NEU4: variants seen among roughly 807,000 people sequenced by gnomAD.
NEU4 encodes the protein sialidase-4.
Under a neutral mutation model 9.9 loss-of-function variants are expected in NEU4, and 7 were observed. The observed-to-expected ratio is 0.71, with a 90% CI of 0.40 to 1.33. NEU4 has a LOEUF of 1.33. NEU4 is among the 40% of genes most tolerant of loss of function. The pLI is 0.01. For missense variants in NEU4, 717 were observed against 712.6 expected (o/e 1.01, Z -0.07); for synonymous variants, 348 against 316.9 (o/e 1.10, Z -1.04).
In NEU4 at chr2:241,817,006, C is replaced by T. The variant is rs1282076840; in HGVS notation, c.1413C>T (p.Pro471=). The T allele has an allele frequency of 1.2e-6, 2 of 1,608,078 alleles. No individual in the cohort carries two copies. The highest frequency in any genetic ancestry group is 1.7e-6 in the Non-Finnish European group (2 of 1,177,716). The change falls in exon 4 of 4, where the codon CCC becomes CCT. Residue 471 remains proline, a synonymous_variant. Coordinates refer to ENST00000407683, the MANE Select transcript of NEU4 (RefSeq NM_001167600.3). ...LENVPASPKP[P]NLGDKPRGCC... is the part of the protein sequence containing the mutation. ...ACGTGCCCGCCAGCCCCAAACCGCC[C>T]AACCTTGGGGACAAGCCTCGGGGGT...
rs114477206 is a variant in NEU4 at position 241,815,520 on chromosome 2, C to A, written c.457+373C>A. ...TGACCCGACTCTCTCTCATCCCCCC[C>A]GCTAATCTCTTTATCTGCAGAGGAG... On this transcript the variant is annotated intron_variant, in intron 3 of 3. Transcript: ENST00000407683. 56 of 512,288 alleles carry A rather than the reference C, an allele frequency of 1.1e-4. 2 individuals are homozygous for A. Among genetic ancestry groups the A allele is most frequent in the South Asian group, 5.9e-4 (38 of 64,694 alleles). The allele number at this position is 512,288 out of a possible 1,614,324, so 31.7% of individuals were successfully genotyped here. A position where few individuals can be genotyped will look rare whatever the true frequency, so the allele number is the denominator to read the frequency against.
rs200097795 is a variant in NEU4 at position 241,816,910 on chromosome 2, C to T, written c.1317C>T (p.Tyr439=). 11 of 1,612,904 alleles carry T rather than the reference C, an allele frequency of 6.8e-6. No homozygotes were observed. Among genetic ancestry groups the T allele is most frequent in the East Asian group, 4.5e-5 (2 of 44,868 alleles). Residue 439 remains tyrosine, a synonymous_variant, in exon 4 of 4, where the codon TAC becomes TAT. Transcript: ENST00000407683. ...PEGGLVFACL[Y]ESGARTSYDE... is the part of the protein sequence containing the mutation. ...GGGGCCTGGTTTTTGCCTGCCTGTACGAGAGCGGGGCCAGGACCTCCTATG... is the reference window on the plus strand; with the variant it reads ...GGGGCCTGGTTTTTGCCTGCCTGTATGAGAGCGGGGCCAGGACCTCCTATG...
rs763516518 is a variant in NEU4, at chr2:241,816,486, T to G, written c.893T>G (p.Val298Gly). ...AGGCCACGGGATGACAGTTGGTCAGTGGGCCCCGGGAGTCCCCTCCAGCCT... is the reference window on the plus strand; with the variant it reads ...AGGCCACGGGATGACAGTTGGTCAGGGGGCCCCGGGAGTCCCCTCCAGCCT... ...PNRPRDDSWSVGPGSPLQPPL... is the reference protein window; with the variant it reads ...PNRPRDDSWSGGPGSPLQPPL... The change falls in exon 4 of 4, where the codon GTG becomes GGG. Residue 298 changes from valine to glycine, a missense_variant. Transcript: ENST00000407683. The G allele has an allele frequency of 6.2e-7, 1 of 1,609,736 alleles. No homozygotes were observed. Among genetic ancestry groups the G allele is most frequent in the African/African-American group, 1.3e-5 (1 of 74,880 alleles).
chr2:241,811,198 C>T (rs1700102777), intron 1 of NEU4: 1 of 1,235,478 alleles, frequency 8.1e-7, no homozygotes, highest in Non-Finnish European at 1.0e-6. Context: ...CCTCAGCACC[C>T]CAGTGTTGAG....
rs1400513885 is a variant in NEU4, at chr2:241,815,100, G to A, written c.410G>A (p.Gly137Asp). 5 of 1,578,778 alleles carry A rather than the reference G, an allele frequency of 3.2e-6. No homozygotes were observed. Among genetic ancestry groups the A allele is most frequent in the African/African-American group, 2.7e-5 (2 of 74,442 alleles). Residue 137 changes from glycine (G) to aspartate (D), a missense_variant, in exon 3 of 4, where the codon GGC (glycine) becomes GAC (aspartate). Gly to Asp is a moderately conservative substitution (Grantham distance 94). Coordinates refer to ENST00000407683, the MANE Select transcript of NEU4 (RefSeq NM_001167600.3). ...AGCCGTGACGCCGGCCTCTCGTGGG[G>A]CAGCGCCCGGGACCTCACCGAGGAG... Reference protein sequence around the residue: ...VASRDAGLSWGSARDLTEEAI... With the variant: ...VASRDAGLSWDSARDLTEEAI...
Position 241,817,092 on chromosome 2 carries a change from G to C in NEU4, c.*44G>C. ...CCATGCCCCTTGGGTGCCTGGGGCA[G>C]AGGGGTGGAATACGTTGGGGTGCCC... On this transcript the variant is annotated 3_prime_UTR_variant, in exon 4 of 4. Transcript: ENST00000407683. 6.7e-7 allele frequency: 1 copy of C among 1,497,450 alleles called. No homozygotes were observed. The allele number at this position is 1,497,450 out of a possible 1,614,324, so 92.8% of individuals were successfully genotyped here. A position where few individuals can be genotyped will look rare whatever the true frequency, so the allele number is the denominator to read the frequency against.
At chr2:241,815,819 C>G in intron 3 of NEU4, 1 of 598,794 alleles carries the variant, frequency 1.7e-6, no homozygotes, top group Non-Finnish European at 3.0e-6. Flanking sequence ...GCAGCGCTCA[C>G]CAGCCTCCCT....
At chr2:241,813,448 C>T (rs1700191676) in intron 1 of NEU4, 1 of 1,143,086 alleles carries the variant, frequency 8.7e-7, no homozygotes, top group Non-Finnish European at 1.1e-6. Context: ...CCTCCCTGTG[C>T]CGGGCTGTGC....
At chr2:241,814,288 G>T in intron 1 of NEU4, 194 bp from the exon 2 acceptor site, 1 of 621,924 alleles carries the variant, frequency 1.6e-6, no homozygotes, top group South Asian at 1.9e-5. Context: ...GAGGGAGGGT[G>T]GGGGAGGGGC....
At position 241,817,123 on chromosome 2, in the gene NEU4, T is replaced by C. The variant is rs1306193771; in HGVS notation, c.*75T>C. 7.2e-7 allele frequency: 1 copy of C among 1,393,402 alleles called. No homozygotes were observed. Among genetic ancestry groups the C allele is most frequent in the East Asian group, 2.5e-5 (1 of 40,548 alleles). 86.3% of individuals were successfully genotyped at this position (1,393,402 alleles called of 1,614,324 possible). ...TGGAATACGTTGGGGTGCCCCACGATAGCTGTGGGGGGGGCTCTTAGTGCA... is the reference window on the plus strand; with the variant it reads ...TGGAATACGTTGGGGTGCCCCACGACAGCTGTGGGGGGGGCTCTTAGTGCA... On this transcript the variant is annotated 3_prime_UTR_variant, in exon 4 of 4. Coordinates refer to ENST00000407683, the MANE Select transcript of NEU4 (RefSeq NM_001167600.3).
In NEU4 at chr2:241,816,430, C is replaced by T. The variant is rs781381562; in HGVS notation, c.837C>T (p.Ser279=). 6.7e-5 allele frequency: 107 copies of T among 1,607,196 alleles called. 2 individuals are homozygous for T. The Admixed American group carries it at 1.8e-3, about 27-fold the overall frequency. ...AGACTGCCTGGGGCTGCCAGGGCAG[C>T]ATCGTGGGCTTCCCAGCCCCCGCCC... is the stretch of plus-strand genomic sequence containing the variant. ...LPETAWGCQG[S]IVGFPAPAPN... is the part of the protein sequence containing the mutation. The change falls in exon 4 of 4, where the codon AGC becomes AGT. Residue 279 remains serine (S), a synonymous_variant. Coordinates refer to ENST00000407683, the MANE Select transcript of NEU4 (RefSeq NM_001167600.3).
At position 241,817,047 on chromosome 2, in the gene NEU4, GACAGGCCTTCT is replaced by G. The variant is rs767695067; in HGVS notation, c.1455_*10del. ...CCTCGGGGGTGCTGCTGGCCCTCCT[GACAGGCCTTCT>G]GGCCGTGCCCATGCCCCTTGGGTGC... On this transcript the variant is annotated stop_lost and 3_prime_UTR_variant, in exon 4 of 4. Transcript: ENST00000407683. The G allele has an allele frequency of 1.9e-6, 3 of 1,581,390 alleles. No individual in the cohort carries two copies. In the African/African-American group the frequency reaches 4.0e-5, roughly 21 times the overall value.
Position 241,809,232 on chromosome 2 carries a change from G to A in NEU4, c.-46G>A, listed in dbSNP as rs542585841. 302 of 1,289,010 alleles carry A rather than the reference G, an allele frequency of 2.3e-4. No individual in the cohort carries two copies. Among genetic ancestry groups the A allele is most frequent in the Middle Eastern group, 4.3e-4 (2 of 4,688 alleles). The allele number at this position is 1,289,010 out of a possible 1,614,324, so 79.8% of individuals were successfully genotyped here. A position where few individuals can be genotyped will look rare whatever the true frequency, so the allele number is the denominator to read the frequency against. ...AATGAAGTTACAGGAGGGGCACACC[G>A]TCCTTTTGTCTCTGCCTTTGAGGTT... On this transcript the variant is annotated 5_prime_UTR_variant, in exon 1 of 4. Transcript: ENST00000407683.
intron 1 of NEU4, chr2:241,811,430 T>C: frequency 1.9e-6 from 3 of 1,565,226 alleles, no homozygotes; most frequent in Non-Finnish European, 2.6e-6. Flanking sequence ...CAGCCACCCA[T>C]GATGAGCTCT....
Position 241,816,396 on chromosome 2 carries a change from C to T in NEU4, c.803C>T (p.Ser268Phe), listed in dbSNP as rs753175502. The T allele has an allele frequency of 7.5e-6, 12 of 1,601,868 alleles. No homozygotes were observed. In the Admixed American group the frequency reaches 2.0e-4, roughly 27 times the overall value. The change falls in exon 4 of 4, where the codon TCC becomes TTC. Residue 268 changes from serine (S) to phenylalanine (F), a missense_variant. By Grantham distance (155) the Ser-to-Phe change is radical. Transcript: ENST00000407683. The part of the protein sequence containing the change: ...TSFLPAERVA[S>F]LPETAWGCQG... ...TTCCTGCCCGCAGAGCGCGTGGCTT[C>T]CCTGCCCGAGACTGCCTGGGGCTGC...
intron 1 of NEU4, chr2:241,813,571 G>A (rs1326603754): frequency 7.8e-7 from 1 of 1,276,854 alleles, no homozygotes; most frequent in South Asian, 1.3e-5. Flanking sequence ...CCCTCACCCG[G>A]GCCCTGCCCT....
intron 1 of NEU4, chr2:241,813,716 C>T (rs1207293210): frequency 7.4e-6 from 3 of 407,238 alleles, no homozygotes; most frequent in East Asian, 1.8e-4. Context: ...AATGAGGGCA[C>T]TGTGGGGCCA....
intron 3 of NEU4, 67 bp from the exon 4 acceptor site, chr2:241,815,984 G>T: frequency 6.9e-7 from 1 of 1,449,118 alleles, no homozygotes. Context: ...GTCCCCCTGT[G>T]CCTTCCTCCA....
chr2:241,816,758 C>G lies in NEU4; in HGVS notation c.1165C>G (p.Arg389Gly), dbSNP rs374062818. 3 of 1,575,060 alleles carry G rather than the reference C, an allele frequency of 1.9e-6. No homozygotes were observed. Among genetic ancestry groups the G allele is most frequent in the South Asian group, 1.2e-5 (1 of 86,670 alleles). ...CTCCCACCCAGTGGGGCGCAGGGCT[C>G]GGCTACACATGGGTATCCGCCTGAG... is the stretch of plus-strand genomic sequence containing the variant. ...LYSHPVGRRARLHMGIRLSQS... is the reference protein window; with the variant it reads ...LYSHPVGRRAGLHMGIRLSQS... The change falls in exon 4 of 4, where the codon CGG becomes GGG. Residue 389 changes from arginine (R) to glycine (G), a missense_variant. Arg to Gly is a moderately radical substitution (Grantham distance 125, BLOSUM62 -2). Coordinates refer to ENST00000407683, the MANE Select transcript of NEU4 (RefSeq NM_001167600.3).
Sources: allele counts gnomAD v4.1 joint callset, GRCh38; gene constraint gnomAD v4.1.1; transcripts MANE v1.5; gene names NCBI Gene and HGNC (gene_info 2026-07-23, HGNC 2026-07-21).